CCDC40: variants seen among roughly 807,000 people sequenced by gnomAD.
CCDC40 encodes the protein coiled-coil domain 40 molecular ruler complex subunit.
CCDC40 carries 104 observed loss-of-function variants against 124.5 expected under a neutral mutation model. The ratio of observed to expected loss-of-function variants is 0.84; its 90% CI spans 0.71 to 0.98. The LOEUF (loss-of-function observed/expected upper bound fraction) is 0.98. Ranked by LOEUF, CCDC40 falls within the 50% of genes least tolerant of loss-of-function variation. The pLI, the probability that CCDC40 is intolerant of heterozygous loss-of-function variation, is 0.00. For missense variants in CCDC40, 1,463 were observed against 1,503.9 expected (o/e 0.97, Z 0.45); for synonymous variants, 580 against 602.9 (o/e 0.96, Z 0.56).
rs2037534789 is a variant in CCDC40, at chr17:80,049,913, T to C, written c.863T>C (p.Met288Thr). ...GGTTTTCCATTGTTCTAGCCCCTGA[T>C]GGTAAGATTCCAGGCTGCCCTGAAG... Reference protein sequence around the residue: ...LVVLDPDHPLMVRFQAALKNY... With the variant: ...LVVLDPDHPLTVRFQAALKNY... The change falls in exon 6 of 20, where the codon ATG (methionine) becomes ACG (threonine). Residue 288 changes from methionine to threonine, a missense_variant. Transcript: ENST00000397545. 1 of 1,613,968 alleles carries C rather than the reference T, an allele frequency of 6.2e-7. No homozygotes were observed. The highest frequency in any genetic ancestry group is 8.5e-7 in the Non-Finnish European group (1 of 1,179,918).
chr17:80,047,517 G>A (rs1010275379), intron 4 of CCDC40, 115 bp downstream of exon 4: 6 of 1,081,800 alleles, frequency 5.5e-6, no homozygotes, highest in Admixed American at 2.0e-5. Flanking sequence ...GAGTGGCTGT[G>A]AGCTGAAAGA....
chr17:80,064,252 C>T (rs2037977675), intron 9 of CCDC40, among the ~76,000 whole-genome samples: 1 of 152,212 alleles, frequency 6.6e-6, no homozygotes, highest in Non-Finnish European at 1.5e-5. Flanking sequence ...CCGTGATGTT[C>T]TAGCGCACTG....
At position 80,097,251 on chromosome 17, in the gene CCDC40, G is replaced by A. The variant is rs146119288; in HGVS notation, c.3028G>A (p.Asp1010Asn). 1.6e-5 allele frequency: 26 copies of A among 1,613,920 alleles called. No individual in the cohort carries two copies. In the East Asian group the frequency reaches 1.8e-4, roughly 11 times the overall value. Reference protein sequence around the residue: ...RKIRDVRKATDECTKTVLELE... With the variant: ...RKIRDVRKATNECTKTVLELE... ...GGTCCTGTGATTCTCCTAGGCCACC[G>A]ATGAGTGCACCAAAACCGTCCTGGA... Residue 1010 changes from aspartate (D) to asparagine (N), a missense_variant, in exon 19 of 20, where the codon GAT becomes AAT. By Grantham distance (23) the Asp-to-Asn change is conservative. Transcript: ENST00000397545.
intron 9 of CCDC40, among the ~76,000 whole-genome samples, chr17:80,061,694 C>T (rs2037900992): frequency 1.3e-5 from 2 of 152,326 alleles, no homozygotes; most frequent in East Asian, 3.9e-4. Flanking sequence ...CCCTGTTCAT[C>T]GAGCGAAGTC....
chr17:80,093,458 C>T (rs563397703), intron 17 of CCDC40, among the ~76,000 whole-genome samples: 2 of 152,122 alleles, frequency 1.3e-5, no homozygotes, highest in South Asian at 2.1e-4. Context: ...GCTGGGATTA[C>T]AGGTGTGAGC....
rs769000860 is a variant in CCDC40, at chr17:80,084,901, C to G, written c.2148C>G (p.Ile716Met). 46 of 1,614,008 alleles carry G rather than the reference C, an allele frequency of 2.9e-5. No individual in the cohort carries two copies. Among genetic ancestry groups the G allele is most frequent in the African/African-American group, 5.3e-5 (4 of 74,922 alleles). The change falls in exon 13 of 20, where the codon ATC becomes ATG. Residue 716 changes from isoleucine (I) to methionine (M), a missense_variant. Physicochemically the swap from Ile to Met is conservative, Grantham distance 10. Transcript: ENST00000397545. ...NELITNSQSE[I>M]SRRTILIERK... The stretch of plus-strand genomic sequence containing the variant: ...TCATCACCAACAGCCAGAGCGAGAT[C>G]TCCCGGCGCACGATCCTGATCGAGA...
intron 12 of CCDC40, among the ~76,000 whole-genome samples, chr17:80,083,248 C>T (rs1236134331): frequency 1.3e-5 from 2 of 151,970 alleles, no homozygotes; most frequent in African/African-American, 4.8e-5. Flanking sequence ...CTTGGGGGGC[C>T]CAGATCTCAG....
rs774449104 is a variant in CCDC40 at position 80,089,845 on chromosome 17, G to A, written c.2793G>A (p.Thr931=). 2.7e-5 allele frequency: 43 copies of A among 1,614,152 alleles called. No individual in the cohort carries two copies. The highest frequency in any genetic ancestry group is 1.0e-4 in the Admixed American group (6 of 60,012). The change falls in exon 17 of 20, where the codon ACG becomes ACA. Residue 931 remains threonine (T), a synonymous_variant. Transcript: ENST00000397545. ...CAGTGGATTCCGAGATCGGCCAGAC[G>A]GAGATCCGGGCCATGAAGGGCGAGA... ...RSSVDSEIGQ[T]EIRAMKGEIH... is the part of the protein sequence containing the mutation.
At chr17:80,072,671 C>T (rs1233816429) in intron 10 of CCDC40, among the ~76,000 whole-genome samples, 1 of 152,176 alleles carries the variant, frequency 6.6e-6, no homozygotes, top group African/African-American at 2.4e-5. Context: ...TAAATGGAAT[C>T]GCGCAGTCTG....
chr17:80,097,560 T>C (rs375220073), intron 19 of CCDC40, 157 bp downstream of exon 19: 3 of 686,938 alleles, frequency 4.4e-6, no homozygotes, highest in African/African-American at 3.6e-5. Flanking sequence ...GCTGCTCACA[T>C]GTTTGTGGCT....
At chr17:80,067,291 G>A (rs142745669) in intron 10 of CCDC40, 20 of 527,618 alleles carry the variant, frequency 3.8e-5, no homozygotes, top group Non-Finnish European at 5.0e-5. Context: ...TGTAAAAATC[G>A]TATTCGATCA....
chr17:80,047,515 G>C, intron 4 of CCDC40, 113 bp downstream of exon 4: 1 of 1,158,408 alleles, frequency 8.6e-7, no homozygotes, highest in African/African-American at 1.5e-5. Context: ...CTGAGTGGCT[G>C]TGAGCTGAAA....
At chr17:80,061,307 T>C (rs963798399) in intron 9 of CCDC40, among the ~76,000 whole-genome samples, 2 of 152,236 alleles carry the variant, frequency 1.3e-5, no homozygotes, top group East Asian at 3.9e-4. Context: ...GATCATGCCA[T>C]TGCATTTCAG....
intron 5 of CCDC40, among the ~76,000 whole-genome samples, chr17:80,049,302 G>T (rs188008792): frequency 6.6e-6 from 1 of 152,132 alleles, no homozygotes; most frequent in African/African-American, 2.4e-5. Flanking sequence ...TTACTCAGGA[G>T]GCTGAGGCAG....
rs751058968 is a variant in CCDC40 at position 80,050,280 on chromosome 17, A to C, written c.1156A>C (p.Lys386Gln). Reference protein sequence around the residue: ...TCAAANEERKKLAALQTEMEN... With the variant: ...TCAAANEERKQLAALQTEMEN... Reference sequence around the variant, plus strand: ...CGCAGCCGCCAACGAGGAGCGCAAAAAGTGTAAGGCAACCCGGCAGCCCCA... The same window carrying C: ...CGCAGCCGCCAACGAGGAGCGCAAACAGTGTAAGGCAACCCGGCAGCCCCA... The change falls in exon 7 of 20, where the codon AAG (lysine) becomes CAG (glutamine). Residue 386 changes from lysine to glutamine, a missense_variant. Physicochemically the swap from Lys to Gln is moderately conservative, Grantham distance 53. Coordinates refer to ENST00000397545, the MANE Select transcript of CCDC40 (RefSeq NM_017950.4). 2.6e-6 allele frequency: 4 copies of C among 1,558,160 alleles called. No homozygotes were observed. The South Asian group carries it at 4.7e-5, about 18-fold the overall frequency.
rs148297916 is a variant in CCDC40, at chr17:80,049,596, C to T, written c.856-310C>T. ...ACAGCTGCAGAGCTCCAGGAACTGC[C>T]GGAAGGAGCTGGGGGCTGCACAGGG... On this transcript the variant is annotated intron_variant, in intron 5 of 19. Transcript: ENST00000397545. 3.2e-4 allele frequency among the ~76,000 whole-genome samples: 49 copies of T among 152,158 alleles called. No homozygotes were observed. The East Asian group carries it at 3.7e-3, about 11-fold the overall frequency.
At chr17:80,057,805 G>A (rs2037789213) in intron 7 of CCDC40, among the ~76,000 whole-genome samples, 1 of 152,076 alleles carries the variant, frequency 6.6e-6, no homozygotes, top group African/African-American at 2.4e-5. Context: ...GAACCCTGGG[G>A]GCGGAGCTTG....
chr17:80,063,908 C>T (rs952830693), intron 9 of CCDC40, among the ~76,000 whole-genome samples: 17 of 152,156 alleles, frequency 1.1e-4, no homozygotes, highest in African/African-American at 3.6e-4. Context: ...ACGCTAATTA[C>T]CTTGATTCAA....
chr17:80,088,294 C>A, intron 16 of CCDC40, 192 bp downstream of exon 16: 1 of 640,366 alleles, frequency 1.6e-6, no homozygotes, highest in Admixed American at 2.2e-5. Flanking sequence ...CTCTATCCCA[C>A]AGGCTGGAGT....
Sources: allele counts gnomAD v4.1 joint callset (sites outside exome capture counted in the v4.1 genomes callset), GRCh38; gene constraint gnomAD v4.1.1; transcripts MANE v1.5; gene names NCBI Gene and HGNC (gene_info 2026-07-23, HGNC 2026-07-21).